DLGAP2: variants seen among roughly 807,000 people sequenced by gnomAD.
The protein encoded by DLGAP2 is DLG associated protein 2.
In DLGAP2, 26 loss-of-function variants were observed where a neutral mutation model predicts 100.3. The observed-to-expected ratio is 0.26, with a 90% CI of 0.19 to 0.36. DLGAP2 has a LOEUF of 0.36. Ranked by LOEUF, DLGAP2 falls within the 10% of genes least tolerant of loss-of-function variation. The probability of loss-of-function intolerance (pLI) is 1.00; values close to 1 mark genes in which losing one functional copy is unlikely to be tolerated. For synonymous variants in DLGAP2, 886 were observed against 630.1 expected (o/e 1.41, Z -6.08); for missense variants, 1,858 against 1,453.2 (o/e 1.28, Z -4.53).
chr8:1,105,906 G>A (rs73670442), intron 2 of DLGAP2, among the ~76,000 whole-genome samples: 2,604 of 147,768 alleles, frequency 0.018, 87 homozygotes, highest in African/African-American at 0.061. Flanking sequence ...TTCTAGGAGG[G>A]TTTTCTATTG....
chr8:1,522,756 A>C (rs60284848), intron 4 of DLGAP2, among the ~76,000 whole-genome samples: 7,335 of 152,216 alleles, frequency 0.048, 574 homozygotes, highest in African/African-American at 0.17. Context: ...TTCAAATTAC[A>C]CGCGCCAAGT....
intron 2 of DLGAP2, among the ~76,000 whole-genome samples, chr8:1,205,800 G>C (rs1797977274): frequency 6.6e-6 from 1 of 152,158 alleles, no homozygotes; most frequent in South Asian, 2.1e-4. Context: ...AGTCCTAGGA[G>C]GACTTCAGTC....
chr8:1,465,109 C>T (rs1159320027), intron 3 of DLGAP2, among the ~76,000 whole-genome samples: 3 of 152,238 alleles, frequency 2.0e-5, no homozygotes, highest in Admixed American at 1.3e-4. Context: ...TGGCGGGAAC[C>T]TCAGGTCCCA....
chr8:1,496,116 G>T (rs1799538444), intron 3 of DLGAP2, among the ~76,000 whole-genome samples: 1 of 152,204 alleles, frequency 6.6e-6, no homozygotes, highest in Non-Finnish European at 1.5e-5. Flanking sequence ...TTGCAAGTAA[G>T]TCTACCCTAA....
At chr8:1,240,282 T>C (rs772415362) in intron 2 of DLGAP2, among the ~76,000 whole-genome samples, 29 of 41,232 alleles carry the variant, frequency 7.0e-4, no homozygotes, top group Admixed American at 1.1e-3. Flanking sequence ...CTAGTTCTGT[T>C]ACATGGCGCC....
intron 2 of DLGAP2, among the ~76,000 whole-genome samples, chr8:970,313 T>G (rs983172795): frequency 6.6e-6 from 1 of 152,216 alleles, no homozygotes; most frequent in Non-Finnish European, 1.5e-5. Context: ...GACTTTATAG[T>G]AAGGATGTTA....
intron 6 of DLGAP2, among the ~76,000 whole-genome samples, chr8:1,607,260 A>G (rs1431785890): frequency 9.2e-5 from 14 of 152,228 alleles, no homozygotes; most frequent in Admixed American, 5.2e-4. Flanking sequence ...CTAAAGATTT[A>G]CAGAGACACA....
chr8:1,495,862 A>C (rs1799530861), intron 3 of DLGAP2, among the ~76,000 whole-genome samples: 1 of 152,174 alleles, frequency 6.6e-6, no homozygotes, highest in Admixed American at 6.5e-5. Context: ...GCGCGTGTCC[A>C]TCTGCAAAGC....
At chr8:1,441,094 A>G (rs1309084946) in intron 3 of DLGAP2, among the ~76,000 whole-genome samples, 2 of 152,192 alleles carry the variant, frequency 1.3e-5, no homozygotes, top group Non-Finnish European at 2.9e-5. Flanking sequence ...TCGAAACATA[A>G]TCCCAGAATA....
chr8:1,547,486 G>A (rs1461516310), intron 4 of DLGAP2, among the ~76,000 whole-genome samples: 3 of 152,070 alleles, frequency 2.0e-5, no homozygotes, highest in Admixed American at 6.6e-5. Context: ...TGGGGCAGGA[G>A]GGGCCTGGGA....
chr8:1,513,865 A>AC (rs199862158), intron 4 of DLGAP2, among the ~76,000 whole-genome samples: 1 of 86,976 alleles, frequency 1.1e-5, no homozygotes, highest in Admixed American at 1.4e-4. Context: ...TGGCGGTCGA[A>AC]CCTCAGACCC....
Position 789,469 on chromosome 8 carries a change from C to A in DLGAP2, c.18+51644C>A, listed in dbSNP as rs563131105. 2.6e-5 allele frequency among the ~76,000 whole-genome samples: 4 copies of A among 152,224 alleles called. No individual in the cohort carries two copies. In the East Asian group the frequency reaches 7.7e-4, roughly 29 times the overall value. On this transcript the variant is annotated intron_variant, in intron 1 of 14. Coordinates refer to ENST00000637795, the MANE Select transcript of DLGAP2 (RefSeq NM_001346810.2). The stretch of plus-strand genomic sequence containing the variant: ...CCACCCCTGTGATCCAGTTACCCCC[C>A]ACCAGGCCCCTCTTCCGACACTGGG...
chr8:806,670 C>G (rs1189856430), intron 1 of DLGAP2, among the ~76,000 whole-genome samples: 1 of 152,156 alleles, frequency 6.6e-6, no homozygotes, highest in East Asian at 1.9e-4. Context: ...TTTCCTTTCT[C>G]GTGGGAACTT....
chr8:1,152,394 A>G (rs1454148006), intron 2 of DLGAP2, among the ~76,000 whole-genome samples: 1 of 152,250 alleles, frequency 6.6e-6, no homozygotes, highest in Non-Finnish European at 1.5e-5. Flanking sequence ...TGTTGCCTCA[A>G]TGCAATGACA....
chr8:1,687,596 C>A (rs1799148595), intron 12 of DLGAP2, among the ~76,000 whole-genome samples: 1 of 152,212 alleles, frequency 6.6e-6, no homozygotes, highest in African/African-American at 2.4e-5. Context: ...CATTATCTCT[C>A]CCTAGCAATA....
intron 6 of DLGAP2, among the ~76,000 whole-genome samples, chr8:1,580,084 C>T (rs1803166513): frequency 6.6e-6 from 1 of 152,154 alleles, no homozygotes. Context: ...TACACGATGA[C>T]CAAGATTTCA....
intron 3 of DLGAP2, among the ~76,000 whole-genome samples, chr8:1,433,330 C>T (rs1797514230): frequency 6.6e-6 from 1 of 152,254 alleles, no homozygotes; most frequent in African/African-American, 2.4e-5. Flanking sequence ...CCGTCAGGGG[C>T]ATCCAGTCCT....
chr8:1,096,965 A>G (rs1436192082), intron 2 of DLGAP2, among the ~76,000 whole-genome samples: 2,085 of 65,386 alleles, frequency 0.032, no homozygotes, highest in South Asian at 0.047. Context: ...TCTGTGGCAT[A>G]GAGAGGACCC....
intron 2 of DLGAP2, among the ~76,000 whole-genome samples, chr8:1,018,191 C>G: frequency 6.6e-6 from 1 of 152,036 alleles, no homozygotes; most frequent in East Asian, 1.9e-4. Context: ...ATGATCCCTG[C>G]CCCTATAGGC....
Sources: gnomAD v4.1 joint callset for allele counts (sites outside exome capture counted in the v4.1 genomes callset) on GRCh38, gnomAD v4.1.1 for gene constraint, MANE v1.5 for transcripts, NCBI Gene and HGNC (gene_info 2026-07-23, HGNC 2026-07-21) for gene names.